Variants in MYRFL observed in about 807,000 individuals in gnomAD.
The protein encoded by MYRFL is myelin regulatory factor-like protein.
In MYRFL, 88 loss-of-function variants were observed where a neutral mutation model predicts 109.4. That is an observed-to-expected ratio of 0.80 (90% CI 0.68 to 0.96). The LOEUF (loss-of-function observed/expected upper bound fraction) is 0.96, where lower values mean the gene tolerates loss of function less well. Among genes scored for constraint, MYRFL ranks in the 40% least tolerant of loss-of-function variants. The pLI, the probability that MYRFL is intolerant of heterozygous loss-of-function variation, is 0.00. For synonymous variants in MYRFL, 324 were observed against 320.9 expected (o/e 1.01, Z -0.10); for missense variants, 957 against 954.9 (o/e 1.00, Z -0.03).
intron 13 of MYRFL, among the ~76,000 whole-genome samples, chr12:69,914,083 GTTTTC>G (rs950918158): frequency 1.3e-5 from 2 of 151,904 alleles, no homozygotes; most frequent in African/African-American, 4.8e-5. Flanking sequence ...TTTTTTCCTA[GTTTTC>G]TTTTCAGATT....
chr12:69,880,951 GTTTTTTT>G (rs71094746), intron 5 of MYRFL, among the ~76,000 whole-genome samples: 3 of 112,626 alleles, frequency 2.7e-5, no homozygotes, highest in African/African-American at 9.5e-5. Context: ...CAGCCTTCCT[GTTTTTTT>G]TTTTTTTTTT....
intron 2 of MYRFL, among the ~76,000 whole-genome samples, chr12:69,875,414 C>T (rs1885600862): frequency 6.6e-6 from 1 of 151,754 alleles, no homozygotes; most frequent in Non-Finnish European, 1.5e-5. Context: ...CATTTAGCTT[C>T]TTATAGTAGC....
chr12:69,939,140 T>A (rs964367212), intron 19 of MYRFL, among the ~76,000 whole-genome samples: 7 of 152,190 alleles, frequency 4.6e-5, no homozygotes, highest in African/African-American at 1.7e-4. Context: ...TGCCCAGGCT[T>A]GCTTAGGTAA....
At chr12:69,896,302 G>A (rs1228409802) in intron 9 of MYRFL, among the ~76,000 whole-genome samples, 1 of 152,140 alleles carries the variant, frequency 6.6e-6, no homozygotes, top group Non-Finnish European at 1.5e-5. Flanking sequence ...GACACACTGA[G>A]CTCTTGACAG....
At chr12:69,956,604 C>G (rs564058258) in intron 22 of MYRFL, among the ~76,000 whole-genome samples, 2 of 151,884 alleles carry the variant, frequency 1.3e-5, no homozygotes, top group African/African-American at 4.8e-5. Context: ...CTCTGTCCTC[C>G]CCTCTCTCCC....
chr12:69,855,285 G>A lies in MYRFL; in HGVS notation c.52G>A (p.Gly18Arg), dbSNP rs1163215844. 2 of 701,296 alleles carry A rather than the reference G, an allele frequency of 2.9e-6. No individual in the cohort carries two copies. The highest frequency in any genetic ancestry group is 1.5e-5 in the South Asian group (1 of 67,332). 43.4% of individuals were successfully genotyped at this position (701,296 alleles called of 1,614,324 possible). Residue 18 changes from glycine (G) to arginine (R), a missense_variant, in exon 2 of 25, where the codon GGA (glycine) becomes AGA (arginine). Transcript: ENST00000552032. ...TTTTCAATTTGCCTTTGCAGCTCAGGGAGCCAATGGTACTCTGGAGAACCC... is the reference window on the plus strand; with the variant it reads ...TTTTCAATTTGCCTTTGCAGCTCAGAGAGCCAATGGTACTCTGGAGAACCC... ...EALQQFFEAQGANGTLENPAL... is the reference protein window; with the variant it reads ...EALQQFFEAQRANGTLENPAL...
At chr12:69,914,370 C>T (rs1221482784) in intron 13 of MYRFL, among the ~76,000 whole-genome samples, 5 of 151,996 alleles carry the variant, frequency 3.3e-5, no homozygotes, top group African/African-American at 1.2e-4. Flanking sequence ...GGAGTATAAA[C>T]ACAGCTATTA....
chr12:69,843,661 A>G (rs996346405), intron 1 of MYRFL, among the ~76,000 whole-genome samples: 7 of 151,754 alleles, frequency 4.6e-5, no homozygotes, highest in African/African-American at 1.7e-4. Context: ...TGTTTGTAGT[A>G]CTCCCTGATG....
rs569504722 is a variant in MYRFL, at chr12:69,910,041, G to A, written c.1456G>A (p.Ala486Thr). 4 of 1,534,644 alleles carry A rather than the reference G, an allele frequency of 2.6e-6. No homozygotes were observed. The highest frequency in any genetic ancestry group is 1.2e-5 in the South Asian group (1 of 83,706). ...IVEYDYKPEFASAMGINTAHQ... is the reference protein window; with the variant it reads ...IVEYDYKPEFTSAMGINTAHQ... ...TGAATATGACTACAAACCTGAATTT[G>A]CATCTGCAATGGGAATAAACACTGC... Residue 486 changes from alanine to threonine, a missense_variant, in exon 12 of 25, where the codon GCA becomes ACA. By Grantham distance (58) the Ala-to-Thr change is moderately conservative. Transcript: ENST00000552032.
chr12:69,873,980 A>G (rs11833277), intron 2 of MYRFL, among the ~76,000 whole-genome samples: 10,718 of 151,990 alleles, frequency 0.071, 1,002 homozygotes, highest in African/African-American at 0.21. Context: ...TTAACTTTTT[A>G]CAGTTTACTT....
At chr12:69,890,877 G>A (rs1357200487) in intron 6 of MYRFL, 94 bp from the exon 7 acceptor site, 18 of 944,226 alleles carry the variant, frequency 1.9e-5, no homozygotes, top group Middle Eastern at 5.7e-4. Flanking sequence ...TTCACAGTAC[G>A]TTTTCTTGAA....
chr12:69,867,252 A>C (rs1885067682), intron 2 of MYRFL, among the ~76,000 whole-genome samples: 6 of 152,210 alleles, frequency 3.9e-5, no homozygotes, highest in Admixed American at 3.9e-4. Context: ...CCAGGTATGC[A>C]ATGCTGCTTT....
intron 12 of MYRFL, 132 bp from the exon 13 acceptor site, chr12:69,910,689 C>T: frequency 1.8e-6 from 1 of 554,018 alleles, no homozygotes; most frequent in Non-Finnish European, 3.1e-6. Flanking sequence ...ACTTTTAATC[C>T]TATAGTGGTT....
intron 1 of MYRFL, among the ~76,000 whole-genome samples, chr12:69,853,262 C>T (rs1884010278): frequency 6.6e-6 from 1 of 151,828 alleles, no homozygotes; most frequent in Admixed American, 6.6e-5. Context: ...GCAGGGGCTG[C>T]CCCCCATCTC....
chr12:69,880,269 T>G lies in MYRFL; in HGVS notation c.533T>G (p.Val178Gly). The change falls in exon 5 of 25, where the codon GTG becomes GGG. Residue 178 changes from valine (V) to glycine (G), a missense_variant. Val to Gly is a moderately radical substitution (Grantham distance 109). Coordinates refer to ENST00000552032, the MANE Select transcript of MYRFL (RefSeq NM_182530.3). ...CTGGAGGACTCCGGGGAATGCCGAG[T>G]GTGGGCCTGCCACTGCAGACCGAGT... ...QALEDSGECRVWACHCRPMTS... is the reference protein window; with the variant it reads ...QALEDSGECRGWACHCRPMTS... The G allele has an allele frequency of 1.4e-6, 1 of 702,492 alleles. No individual in the cohort carries two copies. The highest frequency in any genetic ancestry group is 2.6e-6 in the Non-Finnish European group (1 of 384,734). 43.5% of individuals were successfully genotyped at this position (702,492 alleles called of 1,614,324 possible).
At chr12:69,890,924 A>G in intron 6 of MYRFL, 47 bp from the exon 7 acceptor site, 1 of 1,352,620 alleles carries the variant, frequency 7.4e-7, no homozygotes, top group Non-Finnish European at 9.6e-7. Flanking sequence ...GAAAATAAAT[A>G]TATGGAAACA....
At chr12:69,885,091 A>G (rs1232503548) in intron 5 of MYRFL, among the ~76,000 whole-genome samples, 1 of 152,158 alleles carries the variant, frequency 6.6e-6, no homozygotes, top group Non-Finnish European at 1.5e-5. Context: ...CAGGATAACC[A>G]TAGAAGGGTT....
At position 69,936,099 on chromosome 12, in the gene MYRFL, T is replaced by C; in HGVS notation, c.1917-14T>C. 6.9e-7 allele frequency: 1 copy of C among 1,441,392 alleles called. No homozygotes were observed. The highest frequency in any genetic ancestry group is 9.1e-7 in the Non-Finnish European group (1 of 1,104,268). The allele number at this position is 1,441,392 out of a possible 1,614,324, so 89.3% of individuals were successfully genotyped here. ...TAATGTTTTTTTTTTTTTTTTTTTT[T>C]TTTTTTTTGACAGTGCTTTGACGAT... On this transcript the variant is annotated splice_polypyrimidine_tract_variant and intron_variant, in intron 16 of 24. Transcript: ENST00000552032.
intron 14 of MYRFL, 134 bp downstream of exon 14, chr12:69,926,868 C>A (rs1478690809): frequency 3.0e-6 from 2 of 668,008 alleles, no homozygotes; most frequent in African/African-American, 2.2e-5. Context: ...CTGCATTTTT[C>A]TTTTAGAATA....
Sources: gnomAD v4.1 joint callset for allele counts (sites outside exome capture counted in the v4.1 genomes callset) on GRCh38, gnomAD v4.1.1 for gene constraint, MANE v1.5 for transcripts, NCBI Gene and HGNC (gene_info 2026-07-23, HGNC 2026-07-21) for gene names.